Variants in STAP1 observed in about 807,000 individuals in gnomAD.
STAP1 encodes signal-transducing adaptor protein 1.
STAP1 carries 30 observed loss-of-function variants against 37.8 expected under a neutral mutation model. The observed-to-expected ratio is 0.79, with a 90% confidence interval of 0.59 to 1.08. The LOEUF (loss-of-function observed/expected upper bound fraction) is 1.08. Among genes scored for constraint, STAP1 ranks in the 50% least tolerant of loss-of-function variants. The probability of loss-of-function intolerance (pLI) is 0.00; values close to 1 mark genes in which losing one functional copy is unlikely to be tolerated. For synonymous variants in STAP1, 130 were observed against 116.0 expected, an observed-to-expected ratio of 1.12 and a Z score of -0.78; for missense variants, 357 against 349.4, an observed-to-expected ratio of 1.02 and a Z score of -0.17.
At position 67,583,608 on chromosome 4, in the gene STAP1, G is replaced by C. The variant is rs1396612890; in HGVS notation, c.565G>C (p.Glu189Gln). Residue 189 changes from glutamate to glutamine, a missense_variant, in exon 6 of 9, where the codon GAG becomes CAG. Transcript: ENST00000265404. ...TACAGTGTCCCGGAAAGAGGCAACT[G>C]AGATGCTCCAGAAGAACCCTTCTTT... is the stretch of plus-strand genomic sequence containing the variant. ...FYTVSRKEAT[E>Q]MLQKNPSLGN... 1.2e-6 allele frequency: 2 copies of C among 1,613,758 alleles called. No individual in the cohort carries two copies. Among genetic ancestry groups the C allele is most frequent in the East Asian group, 4.5e-5 (2 of 44,842 alleles).
intron 1 of STAP1, among the ~76,000 whole-genome samples, chr4:67,569,824 G>T (rs1406345628): frequency 2.0e-5 from 3 of 152,098 alleles, no homozygotes; most frequent in African/African-American, 7.2e-5. Context: ...CTGCCTCCTG[G>T]GTTCAGGTGA....
chr4:67,605,103 T>C (rs1300516363), intron 8 of STAP1, among the ~76,000 whole-genome samples: 1 of 152,194 alleles, frequency 6.6e-6, no homozygotes, highest in African/African-American at 2.4e-5. Context: ...AGGGTCCTTT[T>C]TCCTGGTGTT....
chr4:67,590,282 C>G (rs1411284277), intron 6 of STAP1, among the ~76,000 whole-genome samples: 1 of 152,052 alleles, frequency 6.6e-6, no homozygotes, highest in African/African-American at 2.4e-5. Context: ...GAAGACAATA[C>G]GATTCATGTA....
In STAP1 at chr4:67,593,329, T is replaced by C. The variant is rs1728160758; in HGVS notation, c.799T>C (p.Phe267Leu). 1 of 1,612,846 alleles carries C rather than the reference T, an allele frequency of 6.2e-7. No individual in the cohort carries two copies. The highest frequency in any genetic ancestry group is 8.5e-7 in the Non-Finnish European group (1 of 1,179,258). ...VKETRGNLRP[F>L]ICSTDENTGQ... ...GGAGACTCGAGGAAATTTAAGACCA[T>C]TTATATGTTCAACTGATGAAAACAC... The change falls in exon 8 of 9, where the codon TTT becomes CTT. Residue 267 changes from phenylalanine to leucine, a missense_variant. Coordinates refer to ENST00000265404, the MANE Select transcript of STAP1 (RefSeq NM_012108.4).
At chr4:67,559,061 A>C (rs2109849837) in intron 1 of STAP1, 132 bp downstream of exon 1, 1 of 914,530 alleles carries the variant, frequency 1.1e-6, no homozygotes, top group South Asian at 3.0e-5. Context: ...TTGAGCTCAG[A>C]AAAATGATTC....
intron 8 of STAP1, among the ~76,000 whole-genome samples, chr4:67,594,437 C>T (rs148954282): frequency 1.4e-3 from 218 of 151,892 alleles, no homozygotes; most frequent in Middle Eastern, 0.01. Context: ...CAGGAAACAT[C>T]TCTAGGATAT....
At chr4:67,588,230 T>G (rs996616805) in intron 6 of STAP1, among the ~76,000 whole-genome samples, 22 of 151,946 alleles carry the variant, frequency 1.4e-4, no homozygotes, top group Non-Finnish European at 2.8e-4. Flanking sequence ...CTAAGCAACT[T>G]CAATGGATTT....
chr4:67,605,269 C>T (rs752905708), intron 8 of STAP1, among the ~76,000 whole-genome samples: 5 of 151,828 alleles, frequency 3.3e-5, no homozygotes, highest in Non-Finnish European at 4.4e-5. Flanking sequence ...ATTTCTCTGG[C>T]TGGAAGGCTA....
At chr4:67,595,884 C>A (rs1728214218) in intron 8 of STAP1, among the ~76,000 whole-genome samples, 1 of 152,196 alleles carries the variant, frequency 6.6e-6, no homozygotes, top group Admixed American at 6.5e-5. Flanking sequence ...AATATTGAGT[C>A]TTCCAGTTGA....
rs138618971 is a variant in STAP1 at position 67,582,630 on chromosome 4, GT to G, written c.531-933del. Among the ~76,000 whole-genome samples the G allele has an allele frequency of 2.8e-3, 421 of 149,286 alleles. 3 individuals are homozygous for G. Among genetic ancestry groups the G allele is most frequent in the African/African-American group, 9.0e-3 (365 of 40,608 alleles). On this transcript the variant is annotated intron_variant, in intron 5 of 8. Coordinates refer to ENST00000265404, the MANE Select transcript of STAP1 (RefSeq NM_012108.4). The stretch of plus-strand genomic sequence containing the variant: ...GGCTTCTACCAGATTTTTTCTATTA[GT>G]TTTTTTTTTTCTATGAATATGACTA...
At chr4:67,579,320 G>A (rs181996243) in intron 4 of STAP1, among the ~76,000 whole-genome samples, 10 of 152,306 alleles carry the variant, frequency 6.6e-5, no homozygotes, top group African/African-American at 2.4e-4. Flanking sequence ...AGTTGAAAGA[G>A]CTGAGACATT....
chr4:67,583,816 T>C, intron 6 of STAP1, 114 bp downstream of exon 6: 1 of 1,310,420 alleles, frequency 7.6e-7, no homozygotes, highest in Non-Finnish European at 1.0e-6. Flanking sequence ...TGAACACAAG[T>C]GGCCGGGTGC....
chr4:67,606,434 T>C lies in STAP1; in HGVS notation c.*77T>C, dbSNP rs1406166024. The stretch of plus-strand genomic sequence containing the variant: ...CGAAGTTCTTACTTTTAAAGAGAAT[T>C]ACCTATATTCTCCTGATACTGATTA... On this transcript the variant is annotated 3_prime_UTR_variant, in exon 9 of 9. Coordinates refer to ENST00000265404, the MANE Select transcript of STAP1 (RefSeq NM_012108.4). The C allele has an allele frequency of 8.0e-7, 1 of 1,257,638 alleles. No homozygotes were observed. The highest frequency in any genetic ancestry group is 1.1e-6 in the Non-Finnish European group (1 of 895,162). The allele number at this position is 1,257,638 out of a possible 1,614,324, so 77.9% of individuals were successfully genotyped here.
At chr4:67,597,364 C>T (rs1303299686) in intron 8 of STAP1, among the ~76,000 whole-genome samples, 1 of 152,226 alleles carries the variant, frequency 6.6e-6, no homozygotes, top group Non-Finnish European at 1.5e-5. Context: ...CAGAAGTCTG[C>T]TCTAGGGGTA....
intron 8 of STAP1, among the ~76,000 whole-genome samples, chr4:67,596,648 A>T (rs1728232365): frequency 6.6e-6 from 1 of 152,226 alleles, no homozygotes; most frequent in East Asian, 1.9e-4. Context: ...TGGGAACTCG[A>T]GTAAGAGTCA....
intron 1 of STAP1, among the ~76,000 whole-genome samples, chr4:67,564,626 G>C (rs1242770860): frequency 6.6e-6 from 1 of 152,096 alleles, no homozygotes; most frequent in Non-Finnish European, 1.5e-5. Context: ...AGTTGGACTA[G>C]ATCTTAGAAG....
chr4:67,591,721 C>G (rs1325310151), intron 7 of STAP1, among the ~76,000 whole-genome samples: 1 of 152,052 alleles, frequency 6.6e-6, no homozygotes, highest in Non-Finnish European at 1.5e-5. Context: ...TTGTGTTGAT[C>G]AAGTAGAAAA....
intron 6 of STAP1, among the ~76,000 whole-genome samples, chr4:67,588,567 G>A (rs952129186): frequency 3.9e-5 from 6 of 151,902 alleles, no homozygotes; most frequent in Non-Finnish European, 5.9e-5. Context: ...CCACCACCAC[G>A]CCCGGCTAAT....
At chr4:67,601,198 A>T (rs930638010) in intron 8 of STAP1, among the ~76,000 whole-genome samples, 1 of 152,126 alleles carries the variant, frequency 6.6e-6, no homozygotes, top group Non-Finnish European at 1.5e-5. Flanking sequence ...ATTATCTTAA[A>T]CTGATGACAA....
Sources: gnomAD v4.1 joint callset for allele counts (sites outside exome capture counted in the v4.1 genomes callset) on GRCh38, gnomAD v4.1.1 for gene constraint, MANE v1.5 for transcripts, NCBI Gene and HGNC (gene_info 2026-07-23, HGNC 2026-07-21) for gene names.